AFAP1L2: variants seen among roughly 807,000 people sequenced by gnomAD.
AFAP1L2 encodes actin filament-associated protein 1-like 2.
Under a neutral mutation model 99.3 loss-of-function variants are expected in AFAP1L2, and 46 were observed. The ratio of observed to expected loss-of-function variants is 0.46; its 90% confidence interval spans 0.37 to 0.59. The LOEUF (loss-of-function observed/expected upper bound fraction) is 0.59. Ranked by LOEUF, AFAP1L2 falls within the 20% of genes least tolerant of loss-of-function variation. The pLI, the probability that AFAP1L2 is intolerant of heterozygous loss-of-function variation, is 0.00. For synonymous variants in AFAP1L2, 397 were observed against 419.1 expected, an observed-to-expected ratio of 0.95 and a Z score of 0.64; for missense variants, 959 against 1,034.9, an observed-to-expected ratio of 0.93 and a Z score of 1.01.
At chr10:114,360,542 TAGATAGATAGATAGATAGATAGAC>T (rs2052205503) in intron 1 of AFAP1L2, among the ~76,000 whole-genome samples, 1 of 148,614 alleles carries the variant, frequency 6.7e-6, no homozygotes, top group African/African-American at 2.6e-5. Context: ...GATAGATAGA[TAGATAGATAGATAGATAGATAGAC>T]GGACAGACAG....
intron 1 of AFAP1L2, 199 bp from the exon 2 acceptor site, chr10:114,340,930 A>G (rs903289664): frequency 7.5e-5 from 51 of 675,710 alleles, no homozygotes; most frequent in Non-Finnish European, 1.2e-4. Context: ...GGAGAGAGAA[A>G]CAGGCCCTTG....
At chr10:114,291,996 G>C (rs775982897), downstream of AFAP1L2, among the ~76,000 whole-genome samples, 11 of 152,172 alleles carry the variant, frequency 7.2e-5, no homozygotes, top group African/African-American at 2.7e-4. Context: ...AAGAGGCTGC[G>C]GCCAGAGACT....
At chr10:114,310,724 C>T (rs890728000) in intron 7 of AFAP1L2, among the ~76,000 whole-genome samples, 2 of 152,140 alleles carry the variant, frequency 1.3e-5, no homozygotes, top group African/African-American at 4.8e-5. Context: ...CAGCAAAGGC[C>T]AAAGATGACC....
chr10:114,290,099 C>T, downstream of AFAP1L2: 2 of 1,131,184 alleles, frequency 1.8e-6, no homozygotes, highest in Non-Finnish European at 2.5e-6. Context: ...AAGTGGTATG[C>T]AGCACCAACC....
chr10:114,314,627 G>C (rs1006551996), intron 6 of AFAP1L2, among the ~76,000 whole-genome samples: 2 of 152,194 alleles, frequency 1.3e-5, no homozygotes, highest in African/African-American at 4.8e-5. Context: ...ACATTGGCAC[G>C]GAGCAGGGCC....
At chr10:114,302,053 G>A in intron 12 of AFAP1L2, 1 of 402,302 alleles carries the variant, frequency 2.5e-6, no homozygotes, top group Non-Finnish European at 4.6e-6. Flanking sequence ...AGGAGGTCAG[G>A]AAAGGTGACA....
At chr10:114,383,886 C>A (rs2137552510) in intron 1 of AFAP1L2, among the ~76,000 whole-genome samples, 1 of 152,262 alleles carries the variant, frequency 6.6e-6, no homozygotes, top group Non-Finnish European at 1.5e-5. Flanking sequence ...GAGGCTCTCC[C>A]CGTCTCTTCC....
intron 1 of AFAP1L2, among the ~76,000 whole-genome samples, chr10:114,371,937 A>G (rs1036733635): frequency 1.6e-4 from 24 of 152,274 alleles, no homozygotes; most frequent in Non-Finnish European, 2.1e-4. Context: ...TATGGATAAT[A>G]TGGGTGAGTC....
At chr10:114,298,688 T>G (rs7078935) in intron 16 of AFAP1L2, among the ~76,000 whole-genome samples, 4,435 of 152,218 alleles carry the variant, frequency 0.029, 245 homozygotes, top group African/African-American at 0.1. Flanking sequence ...ATCTCAATAT[T>G]TTTTTAATTT....
At chr10:114,340,476 G>A (rs1378665737) in intron 2 of AFAP1L2, 127 bp downstream of exon 2, 10 of 1,319,708 alleles carry the variant, frequency 7.6e-6, no homozygotes, top group Non-Finnish European at 6.2e-6. Flanking sequence ...CTGGCCTCCA[G>A]AAGTGTGAGA....
chr10:114,281,582 G>A, the AFAP1L2 span: 9 of 236,284 alleles, frequency 3.8e-5, no homozygotes, highest in South Asian at 1.5e-4. Flanking sequence ...ATCACAGAAC[G>A]TTAGTTCTCC....
At position 114,358,343 on chromosome 10, in the gene AFAP1L2, T is replaced by C. The variant is rs187999715; in HGVS notation, c.17-17612A>G. Among the ~76,000 whole-genome samples the C allele has an allele frequency of 2.6e-3, 394 of 152,274 alleles. 2 individuals are homozygous for C. The highest frequency in any genetic ancestry group is 4.8e-3 in the Non-Finnish European group (329 of 68,010). ...CAAGGGAAATTGCTTTTATTAATAA[T>C]AAAGTCAGCCAAATGATGACAAAGG... On this transcript the variant is annotated intron_variant, in intron 1 of 18. Transcript: ENST00000304129.
chr10:114,327,147 T>TA (rs2046408453), intron 4 of AFAP1L2, among the ~76,000 whole-genome samples: 2 of 54,538 alleles, frequency 3.7e-5, no homozygotes, highest in South Asian at 6.2e-4. Flanking sequence ...TTATATATAT[T>TA]TATATATATA....
chr10:114,323,076 G>T, intron 5 of AFAP1L2, 95 bp downstream of exon 5: 1 of 1,153,130 alleles, frequency 8.7e-7, no homozygotes, highest in South Asian at 1.5e-5. Flanking sequence ...ACCCAGCCCA[G>T]GATGAGTGTA....
At chr10:114,286,449 C>T in the AFAP1L2 span, 5 of 1,610,994 alleles carry the variant, frequency 3.1e-6, no homozygotes, top group South Asian at 5.5e-5. Flanking sequence ...TACTCGGATC[C>T]TCAGGATCTG....
intron 1 of AFAP1L2, among the ~76,000 whole-genome samples, chr10:114,353,242 A>G (rs2050812900): frequency 6.6e-6 from 1 of 152,184 alleles, no homozygotes; most frequent in Non-Finnish European, 1.5e-5. Context: ...CCATCTCCAG[A>G]AACAGTCCGC....
chr10:114,282,683 G>T, the AFAP1L2 span: 8 of 903,048 alleles, frequency 8.9e-6, no homozygotes, highest in Non-Finnish European at 1.5e-5. Flanking sequence ...ACTGGCTCCA[G>T]GGCAGAGGGA....
downstream of AFAP1L2, among the ~76,000 whole-genome samples, chr10:114,292,703 T>A (rs1248717940): frequency 4.0e-5 from 6 of 151,694 alleles, no homozygotes; most frequent in African/African-American, 1.5e-4. Flanking sequence ...TCCAGACACT[T>A]TATCGTTTTT....
rs776815502 is a variant in AFAP1L2 at position 114,326,086 on chromosome 10, G to C, written c.316-2825C>G. The C allele has an allele frequency of 3.2e-6, 4 of 1,269,002 alleles. No homozygotes were observed. In the South Asian group the frequency reaches 5.1e-5, roughly 16 times the overall value. The allele number at this position is 1,269,002 out of a possible 1,614,324, so 78.6% of individuals were successfully genotyped here. On this transcript the variant is annotated intron_variant, in intron 4 of 18. Coordinates refer to ENST00000304129, the MANE Select transcript of AFAP1L2 (RefSeq NM_001001936.3). The stretch of plus-strand genomic sequence containing the variant: ...GGGAGGAGTGAACCCTTCTGCAGGA[G>C]CTCCCCATGGGTCATCATCACCACA...
Sources: allele counts gnomAD v4.1 joint callset (sites outside exome capture counted in the v4.1 genomes callset), GRCh38; gene constraint gnomAD v4.1.1; transcripts MANE v1.5; gene names NCBI Gene and HGNC (gene_info 2026-07-23, HGNC 2026-07-21).